GRSF1: variants seen among roughly 807,000 people sequenced by gnomAD.
GRSF1 encodes the protein G-rich sequence factor 1.
Under a neutral mutation model 51.1 loss-of-function variants are expected in GRSF1, and 50 were observed. The observed-to-expected ratio is 0.98, with a 90% CI of 0.78 to 1.24. The LOEUF (loss-of-function observed/expected upper bound fraction) is 1.24, where lower values mean the gene tolerates loss of function less well. GRSF1 is among the 50% of genes most tolerant of loss of function. GRSF1 has a pLI of 0.00. For synonymous variants in GRSF1, 293 were observed against 253.3 expected (o/e 1.16, Z -1.49); for missense variants, 700 against 639.7 (o/e 1.09, Z -1.02).
intron 5 of GRSF1, among the ~76,000 whole-genome samples, chr4:70,828,940 T>A (rs1733847535): frequency 6.6e-6 from 1 of 152,106 alleles, no homozygotes; most frequent in Admixed American, 6.6e-5. Flanking sequence ...GGTTTCACTA[T>A]GTTGGCCAGG....
chr4:70,837,233 C>T lies in GRSF1; in HGVS notation c.358-919G>A, dbSNP rs1323819030. ...TTTAGTAAGAATCCACGAAGCACTA[C>T]AACCATAACCTAAGAAGACAACTCA... On this transcript the variant is annotated intron_variant, in intron 1 of 9. Transcript: ENST00000254799. 4.6e-5 allele frequency among the ~76,000 whole-genome samples: 7 copies of T among 152,180 alleles called. No individual in the cohort carries two copies. The East Asian group carries it at 9.6e-4, about 21-fold the overall frequency.
chr4:70,842,190 C>T (rs951402225), upstream of GRSF1, among the ~76,000 whole-genome samples: 3 of 152,150 alleles, frequency 2.0e-5, no homozygotes, highest in African/African-American at 7.2e-5. Context: ...ACTGCTTGTT[C>T]GTGATTTGTT....
At chr4:70,839,287 G>A in intron 1 of GRSF1, 184 bp downstream of exon 1, 1 of 1,497,888 alleles carries the variant, frequency 6.7e-7, no homozygotes. Context: ...CCCGACGCCT[G>A]GGAGAGCTTC....
chr4:70,836,023 G>T (rs1734192356), intron 2 of GRSF1, 135 bp downstream of exon 2: 6 of 508,834 alleles, frequency 1.2e-5, no homozygotes, highest in Non-Finnish European at 2.0e-5. Context: ...AAAGGAAGGT[G>T]ACAGCGTAGT....
At chr4:70,832,204 T>G (rs951176120) in intron 4 of GRSF1, 103 bp downstream of exon 4, 2 of 824,516 alleles carry the variant, frequency 2.4e-6, no homozygotes, top group African/African-American at 3.4e-5. Context: ...GAACCTAATA[T>G]AACTGCATGC....
intron 1 of GRSF1, chr4:70,839,151 G>A (rs1310831675): frequency 1.5e-6 from 2 of 1,330,138 alleles, no homozygotes; most frequent in East Asian, 4.7e-5. Flanking sequence ...GCGAGGTGGG[G>A]GCGTCAGCAG....
intron 7 of GRSF1, 29 bp downstream of exon 7, chr4:70,826,095 T>C (rs571126274): frequency 5.3e-5 from 85 of 1,589,210 alleles, no homozygotes; most frequent in Non-Finnish European, 6.8e-5. Flanking sequence ...TTCAAATCTA[T>C]TGAGATTGGA....
At chr4:70,832,508 T>A in intron 3 of GRSF1, 58 bp from the exon 4 acceptor site, 1 of 1,033,446 alleles carries the variant, frequency 9.7e-7, no homozygotes, top group Non-Finnish European at 1.4e-6. Context: ...AACAAACCCA[T>A]TAAAAAAAAT....
intron 9 of GRSF1, among the ~76,000 whole-genome samples, chr4:70,822,737 G>T (rs1464587053): frequency 6.6e-6 from 1 of 152,132 alleles, no homozygotes; most frequent in Non-Finnish European, 1.5e-5. Flanking sequence ...ACAGCATGAT[G>T]TTGGAAATTA....
upstream of GRSF1, among the ~76,000 whole-genome samples, chr4:70,843,042 CCT>C (rs1275092836): frequency 6.6e-6 from 1 of 152,074 alleles, no homozygotes; most frequent in African/African-American, 2.4e-5. Flanking sequence ...CACCTGCCAT[CCT>C]CATGACAGAG....
intron 1 of GRSF1, among the ~76,000 whole-genome samples, chr4:70,837,230 C>T (rs1734249782): frequency 6.6e-6 from 1 of 152,182 alleles, no homozygotes; most frequent in African/African-American, 2.4e-5. Context: ...CCACGAAGCA[C>T]TACAACCATA....
rs752709624 is a variant in GRSF1, at chr4:70,824,402, T to C, written c.1394-34A>G. The C allele has an allele frequency of 1.3e-5, 14 of 1,116,030 alleles. No individual in the cohort carries two copies. The Admixed American group carries it at 1.6e-4, about 13-fold the overall frequency. The allele number at this position is 1,116,030 out of a possible 1,614,324, so 69.1% of individuals were successfully genotyped here. On this transcript the variant is annotated intron_variant, in intron 8 of 9. Transcript: ENST00000254799. ...AATGAGAAAGATTAGTTTTAAAAAG[T>C]TGAAAAGGTAGAAAAATATTACAGC...
At position 70,817,471 on chromosome 4, in the gene GRSF1, T is replaced by G. The variant is rs543435278; in HGVS notation, c.*3416A>C. The stretch of plus-strand genomic sequence containing the variant: ...AAGAAAACCACTAGAACTAAAATTC[T>G]GGACAGAAAATCCAGACACCTCACC... On this transcript the variant is annotated 3_prime_UTR_variant, in exon 10 of 10. Transcript: ENST00000254799. The G allele has an allele frequency of 6.6e-6, 1 of 152,336 alleles. No individual in the cohort carries two copies. The highest frequency in any genetic ancestry group is 2.1e-4 in the South Asian group (1 of 4,824). 9.4% of individuals were successfully genotyped at this position (152,336 alleles called of 1,614,324 possible). A position where few individuals can be genotyped will look rare whatever the true frequency, so the allele number is the denominator to read the frequency against.
At chr4:70,840,176 A>G (rs1430002487), upstream of GRSF1, among the ~76,000 whole-genome samples, 3 of 114,858 alleles carry the variant, frequency 2.6e-5, no homozygotes, top group African/African-American at 1.0e-4. Flanking sequence ...GGGGCTGCCC[A>G]TGGTTTGGGC....
At chr4:70,835,009 T>C (rs114317476) in intron 2 of GRSF1, among the ~76,000 whole-genome samples, 4,077 of 152,282 alleles carry the variant, frequency 0.027, 79 homozygotes, top group Middle Eastern at 0.054. Context: ...TGTGTTCTCA[T>C]TGTTTAGCTC....
In GRSF1 at chr4:70,839,564, G is replaced by C. The variant is rs973500150; in HGVS notation, c.264C>G (p.Ala88=). ...GGGCAGAGTAGGACGCGGCGGCCGC[G>C]GCCGCGGCAGAGGTGGCCACAGCGG... is the stretch of plus-strand genomic sequence containing the variant. The part of the protein sequence containing the change: ...GPPAVATSAA[A]AAAASYSALR... The change falls in exon 1 of 10, where the codon GCC becomes GCG. Residue 88 remains alanine, a synonymous_variant. Coordinates refer to ENST00000254799, the MANE Select transcript of GRSF1 (RefSeq NM_002092.4). 7.7e-6 allele frequency: 11 copies of C among 1,423,344 alleles called. No homozygotes were observed. Among genetic ancestry groups the C allele is most frequent in the East Asian group, 3.1e-5 (1 of 32,036 alleles). The allele number at this position is 1,423,344 out of a possible 1,614,324, so 88.2% of individuals were successfully genotyped here. A position where few individuals can be genotyped will look rare whatever the true frequency, so the allele number is the denominator to read the frequency against.
chr4:70,837,738 G>C (rs1734275207), intron 1 of GRSF1, among the ~76,000 whole-genome samples: 1 of 150,272 alleles, frequency 6.7e-6, no homozygotes, highest in African/African-American at 2.4e-5. Flanking sequence ...CGGGTTCAAA[G>C]GATTCTCCTG....
rs889207120 is a variant in GRSF1 at position 70,833,277 on chromosome 4, A to C, written c.515-4T>G. Reference sequence around the variant, plus strand: ...TCACCGTTGCGGATTCTGCAGTCTAAAAGTGTATGAGCAAAATCAATTGAA... The same window carrying C: ...TCACCGTTGCGGATTCTGCAGTCTACAAGTGTATGAGCAAAATCAATTGAA... On this transcript the variant is annotated splice_polypyrimidine_tract_variant and splice_region_variant and intron_variant, in intron 2 of 9. Transcript: ENST00000254799. 2 of 1,612,420 alleles carry C rather than the reference A, an allele frequency of 1.2e-6. No individual in the cohort carries two copies. The highest frequency in any genetic ancestry group is 8.5e-7 in the Non-Finnish European group (1 of 1,179,112).
intron 9 of GRSF1, among the ~76,000 whole-genome samples, chr4:70,822,320 C>A (rs1490253611): frequency 6.6e-6 from 1 of 152,098 alleles, no homozygotes; most frequent in Non-Finnish European, 1.5e-5. Context: ...TGGTGGCTCA[C>A]ACCTGTAATC....
Sources: gnomAD v4.1 joint callset for allele counts (sites outside exome capture counted in the v4.1 genomes callset) on GRCh38, gnomAD v4.1.1 for gene constraint, MANE v1.5 for transcripts, NCBI Gene and HGNC (gene_info 2026-07-23, HGNC 2026-07-21) for gene names.